The following FGF12 variants were observed in gnomAD, a reference collection of about 807,000 sequenced individuals.
FGF12 encodes the protein fibroblast growth factor 12.
A neutral mutation model predicts 23.6 loss-of-function variants in FGF12; 14 were observed. The observed-to-expected ratio is 0.59, with a 90% CI of 0.39 to 0.93. The LOEUF (loss-of-function observed/expected upper bound fraction) is 0.93, where lower values mean the gene tolerates loss of function less well. FGF12 is among the 40% of genes least tolerant of loss of function. The pLI, the probability that FGF12 is intolerant of heterozygous loss-of-function variation, is 0.00. For missense variants in FGF12, 175 were observed against 217.8 expected, an observed-to-expected ratio of 0.80 and a Z score of 1.24; for synonymous variants, 62 against 77.3, an observed-to-expected ratio of 0.80 and a Z score of 1.04.
At chr3:192,403,170 G>A (rs887293130) in intron 2 of FGF12, among the ~76,000 whole-genome samples, 1 of 152,034 alleles carries the variant, frequency 6.6e-6, no homozygotes, top group Non-Finnish European at 1.5e-5. Flanking sequence ...GTTTCCATAT[G>A]AGTAAGCCCA....
chr3:192,385,450 T>C (rs1359689793), intron 2 of FGF12, among the ~76,000 whole-genome samples: 1 of 152,076 alleles, frequency 6.6e-6, no homozygotes, highest in East Asian at 1.9e-4. Flanking sequence ...TGTCAAATAT[T>C]GGATATTTAG....
At chr3:192,708,274 T>C (rs1718548983) in intron 2 of FGF12, among the ~76,000 whole-genome samples, 1 of 152,084 alleles carries the variant, frequency 6.6e-6, no homozygotes, top group Non-Finnish European at 1.5e-5. Context: ...GATCCGTTAT[T>C]TAGAGGGCTC....
intron 3 of FGF12, among the ~76,000 whole-genome samples, chr3:192,341,266 C>A (rs1717675996): frequency 6.6e-6 from 1 of 152,102 alleles, no homozygotes; most frequent in Non-Finnish European, 1.5e-5. Context: ...AAAATAAACA[C>A]TTCCAAGTTA....
intron 3 of FGF12, among the ~76,000 whole-genome samples, chr3:192,342,122 T>C (rs1363891336): frequency 6.6e-6 from 1 of 152,152 alleles, no homozygotes; most frequent in Non-Finnish European, 1.5e-5. Flanking sequence ...ACCAGAAACT[T>C]TTATTATGAT....
At chr3:192,195,316 C>T (rs1717009150) in intron 4 of FGF12, among the ~76,000 whole-genome samples, 1 of 152,112 alleles carries the variant, frequency 6.6e-6, no homozygotes, top group African/African-American at 2.4e-5. Context: ...ATGACAGATA[C>T]AGTTATACGT....
chr3:192,175,351 G>T (rs1026610475), intron 4 of FGF12, among the ~76,000 whole-genome samples: 10 of 152,064 alleles, frequency 6.6e-5, no homozygotes, highest in African/African-American at 2.4e-4. Context: ...TTTTCCTATA[G>T]TCTTGAGCCC....
At chr3:192,648,324 A>T (rs1716088257) in intron 2 of FGF12, among the ~76,000 whole-genome samples, 1 of 152,018 alleles carries the variant, frequency 6.6e-6, no homozygotes, top group Non-Finnish European at 1.5e-5. Flanking sequence ...AAAATAATTG[A>T]TTTTGTTGGT....
At chr3:192,283,044 G>C (rs1451241840) in intron 4 of FGF12, 1 of 152,094 alleles carries the variant, frequency 6.6e-6, no homozygotes, top group Non-Finnish European at 1.5e-5. Context: ...GTATGTGAGG[G>C]AAAACCGGGA....
chr3:192,662,983 G>A (rs1252848021), intron 2 of FGF12, among the ~76,000 whole-genome samples: 2 of 152,020 alleles, frequency 1.3e-5, no homozygotes, highest in Non-Finnish European at 2.9e-5. Flanking sequence ...TCTCTTTTAG[G>A]GCTTTAAGTA....
intron 2 of FGF12, among the ~76,000 whole-genome samples, chr3:192,455,687 A>G (rs1428619612): frequency 1.3e-5 from 2 of 152,152 alleles, no homozygotes; most frequent in African/African-American, 4.8e-5. Context: ...TATTCCAATG[A>G]TTTGCTCTAA....
rs149011227 is a variant in FGF12, at chr3:192,713,173, C to T, written c.13+14008G>A. Among the ~76,000 whole-genome samples the T allele has an allele frequency of 5.0e-3, 763 of 152,188 alleles. 3 individuals are homozygous for T. The highest frequency in any genetic ancestry group is 0.017 in the African/African-American group (726 of 41,536). ...ATCATAATCATGCAACTACTAAATA[C>T]TGATCTAACAAAAATAACAATGTAA... On this transcript the variant is annotated intron_variant, in intron 2 of 5. Transcript: ENST00000445105.
intron 2 of FGF12, among the ~76,000 whole-genome samples, chr3:192,363,078 G>A (rs527975347): frequency 1.5e-4 from 23 of 150,818 alleles, no homozygotes; most frequent in African/African-American, 5.4e-4. Flanking sequence ...ATCACACACC[G>A]GGGCCTGTTG....
chr3:192,355,090 G>A (rs955522432), intron 3 of FGF12, among the ~76,000 whole-genome samples: 5 of 152,186 alleles, frequency 3.3e-5, no homozygotes, highest in Non-Finnish European at 7.3e-5. Flanking sequence ...ATAATGGAGA[G>A]CAATTAGGTG....
At chr3:192,699,068 C>A (rs906200739) in intron 2 of FGF12, among the ~76,000 whole-genome samples, 1 of 152,166 alleles carries the variant, frequency 6.6e-6, no homozygotes, top group Admixed American at 6.6e-5. Flanking sequence ...CCACTAAAAA[C>A]CTGCCATCAG....
At chr3:192,303,507 T>C (rs1715455959) in intron 4 of FGF12, among the ~76,000 whole-genome samples, 2 of 152,190 alleles carry the variant, frequency 1.3e-5, no homozygotes, top group African/African-American at 4.8e-5. Flanking sequence ...ATCTGGCAAC[T>C]CCAGTGAAGA....
At chr3:192,167,108 A>G (rs753618022) in intron 5 of FGF12, among the ~76,000 whole-genome samples, 24 of 151,456 alleles carry the variant, frequency 1.6e-4, no homozygotes, top group Non-Finnish European at 3.1e-4. Flanking sequence ...TAGTGTCTCA[A>G]TACCCATTGT....
At chr3:192,265,086 A>T (rs750788604) in intron 4 of FGF12, among the ~76,000 whole-genome samples, 1 of 152,194 alleles carries the variant, frequency 6.6e-6, no homozygotes, top group Non-Finnish European at 1.5e-5. Context: ...AAGATAAAGG[A>T]GAAAACATAA....
At position 192,360,804 on chromosome 3, in the gene FGF12, T is replaced by A; in HGVS notation, c.14-266A>T. 2 of 441,290 alleles carry A rather than the reference T, an allele frequency of 4.5e-6. No homozygotes were observed. The highest frequency in any genetic ancestry group is 5.4e-5 in the South Asian group (2 of 37,094). 27.3% of individuals were successfully genotyped at this position (441,290 alleles called of 1,614,324 possible). A position where few individuals can be genotyped will look rare whatever the true frequency, so the allele number is the denominator to read the frequency against. On this transcript the variant is annotated intron_variant, in intron 2 of 5. Coordinates refer to ENST00000445105, the MANE Select transcript of FGF12 (RefSeq NM_004113.6). This position sits in a 1 kb window ranked among gnomAD's most constrained non-coding sequence, Gnocchi z 4.3. Reference sequence around the variant, plus strand: ...GAAAATACAGAGACATGCTAAAAAGTGAGTTATTTTCCTCCTTTGTGCATC... The same window carrying A: ...GAAAATACAGAGACATGCTAAAAAGAGAGTTATTTTCCTCCTTTGTGCATC...
chr3:192,685,444 C>T (rs530646799), intron 2 of FGF12, among the ~76,000 whole-genome samples: 19 of 152,318 alleles, frequency 1.2e-4, no homozygotes, highest in East Asian at 1.2e-3. Flanking sequence ...TGAGTGCTCA[C>T]AACCAAATAA....
Sources: allele counts gnomAD v4.1 joint callset (sites outside exome capture counted in the v4.1 genomes callset), GRCh38; gene constraint gnomAD v4.1.1; non-coding constraint Gnocchi (gnomAD v3.1); transcripts MANE v1.5; gene names NCBI Gene and HGNC (gene_info 2026-07-23, HGNC 2026-07-21).